The following SLCO1C1 variants were observed in gnomAD, a reference collection of about 807,000 sequenced individuals.
SLCO1C1 encodes the protein OAT-RP-5.
A neutral mutation model predicts 76.4 loss-of-function variants in SLCO1C1; 70 were observed. The ratio of observed to expected loss-of-function variants is 0.92; its 90% CI spans 0.76 to 1.12. SLCO1C1 has a LOEUF of 1.12. Among genes scored for constraint, SLCO1C1 ranks in the 50% most tolerant of loss-of-function variants. SLCO1C1 has a pLI of 0.00. For missense variants in SLCO1C1, 912 were observed against 823.8 expected, an observed-to-expected ratio of 1.11 and a Z score of -1.31; for synonymous variants, 306 against 286.1, an observed-to-expected ratio of 1.07 and a Z score of -0.70.
intron 4 of SLCO1C1, among the ~76,000 whole-genome samples, chr12:20,707,823 GA>G (rs142567335): frequency 0.077 from 11,556 of 150,760 alleles, 939 homozygotes; most frequent in African/African-American, 0.2. Flanking sequence ...GAAAATCAGA[GA>G]AAAAAAAATG....
intron 7 of SLCO1C1, among the ~76,000 whole-genome samples, 163 bp downstream of exon 7, chr12:20,717,393 A>G (rs1258242377): frequency 6.6e-6 from 1 of 152,072 alleles, no homozygotes; most frequent in Non-Finnish European, 1.5e-5. Flanking sequence ...AGATTAATAA[A>G]TGGAATATGA....
chr12:20,704,790 A>G (rs1287640736), intron 3 of SLCO1C1, among the ~76,000 whole-genome samples: 1 of 151,938 alleles, frequency 6.6e-6, no homozygotes, highest in Non-Finnish European at 1.5e-5. Context: ...AAGCAAGGCC[A>G]CCCATTAGCC....
intron 10 of SLCO1C1, among the ~76,000 whole-genome samples, chr12:20,735,701 A>C (rs1274617903): frequency 6.6e-6 from 1 of 152,170 alleles, no homozygotes; most frequent in East Asian, 1.9e-4. Flanking sequence ...TCATCATACC[A>C]GTTCTACTAG....
chr12:20,720,646 A>G (rs1947617240), intron 7 of SLCO1C1, among the ~76,000 whole-genome samples: 1 of 152,244 alleles, frequency 6.6e-6, no homozygotes, highest in Admixed American at 6.5e-5. Flanking sequence ...AAACAGCAAG[A>G]CAACTATAAT....
chr12:20,728,597 A>G (rs1948133325), intron 9 of SLCO1C1, among the ~76,000 whole-genome samples: 1 of 151,790 alleles, frequency 6.6e-6, no homozygotes, highest in Non-Finnish European at 1.5e-5. Context: ...CTTATAAAAA[A>G]CATTATTTTT....
chr12:20,733,289 T>C (rs956772396), intron 10 of SLCO1C1, among the ~76,000 whole-genome samples, 185 bp downstream of exon 10: 11 of 152,158 alleles, frequency 7.2e-5, no homozygotes, highest in South Asian at 2.1e-4. Context: ...ATCATCTCCT[T>C]TGATTGTAGA....
At chr12:20,750,053 G>A (rs1267573951) in intron 13 of SLCO1C1, among the ~76,000 whole-genome samples, 2 of 152,178 alleles carry the variant, frequency 1.3e-5, no homozygotes, top group Admixed American at 1.3e-4. Context: ...CCAAAGTGAG[G>A]CCACAAAAGT....
At chr12:20,714,398 A>T (rs1212406827) in intron 5 of SLCO1C1, among the ~76,000 whole-genome samples, 3 of 152,146 alleles carry the variant, frequency 2.0e-5, no homozygotes, top group Admixed American at 6.6e-5. Flanking sequence ...TTCATTTATG[A>T]TATGGGGGTA....
intron 10 of SLCO1C1, among the ~76,000 whole-genome samples, chr12:20,736,882 C>G (rs1948570908): frequency 6.6e-6 from 1 of 152,128 alleles, no homozygotes; most frequent in African/African-American, 2.4e-5. Flanking sequence ...AACTGGACAT[C>G]ATGTGAATTT....
At chr12:20,714,053 C>T (rs556401454) in intron 5 of SLCO1C1, among the ~76,000 whole-genome samples, 50 of 152,274 alleles carry the variant, frequency 3.3e-4, no homozygotes, top group Non-Finnish European at 6.2e-4. Flanking sequence ...ATTCCATGGT[C>T]ATTTAAACTT....
intron 11 of SLCO1C1, among the ~76,000 whole-genome samples, chr12:20,737,856 C>A (rs893742374): frequency 3.3e-5 from 5 of 152,072 alleles, no homozygotes; most frequent in African/African-American, 9.7e-5. Context: ...AGGTAGGAAT[C>A]TATTTTAGTC....
intron 13 of SLCO1C1, among the ~76,000 whole-genome samples, chr12:20,747,977 T>G (rs1047881422): frequency 2.0e-5 from 3 of 152,220 alleles, no homozygotes; most frequent in African/African-American, 7.2e-5. Context: ...CAGACTACTG[T>G]ATTTCTTCTA....
At chr12:20,720,750 C>T (rs1490331039) in intron 7 of SLCO1C1, among the ~76,000 whole-genome samples, 1 of 152,190 alleles carries the variant, frequency 6.6e-6, no homozygotes, top group Non-Finnish European at 1.5e-5. Flanking sequence ...GTAATCCCAG[C>T]ACTTTGGGAG....
intron 5 of SLCO1C1, among the ~76,000 whole-genome samples, chr12:20,712,366 AGT>A (rs971971415): frequency 1.5e-4 from 23 of 152,170 alleles, no homozygotes; most frequent in African/African-American, 4.6e-4. Flanking sequence ...GCTAGACTGA[AGT>A]AGAGTCTTGC....
intron 9 of SLCO1C1, among the ~76,000 whole-genome samples, chr12:20,731,688 G>T (rs112293469): frequency 1.3e-5 from 2 of 152,274 alleles, no homozygotes; most frequent in African/African-American, 4.8e-5. Flanking sequence ...AATTAGCAGA[G>T]AATTTACTTA....
At chr12:20,711,901 T>A (rs1435800992) in intron 5 of SLCO1C1, among the ~76,000 whole-genome samples, 1 of 152,202 alleles carries the variant, frequency 6.6e-6, no homozygotes, top group Admixed American at 6.5e-5. Flanking sequence ...TTTGTCAGAA[T>A]GGCAAAAATG....
chr12:20,713,079 TTTTC>T (rs2120689292), intron 5 of SLCO1C1, among the ~76,000 whole-genome samples: 1 of 49,420 alleles, frequency 2.0e-5, no homozygotes, highest in South Asian at 8.3e-4. Flanking sequence ...AGGGAAGATG[TTTTC>T]TTTTTTTTTT....
At chr12:20,742,847 A>T (rs1948885042) in intron 12 of SLCO1C1, among the ~76,000 whole-genome samples, 1 of 151,748 alleles carries the variant, frequency 6.6e-6, no homozygotes, top group African/African-American at 2.4e-5. Flanking sequence ...TGATTTTTTT[A>T]AATTCCCTTA....
intron 9 of SLCO1C1, 84 bp from the exon 10 acceptor site, chr12:20,732,825 A>C: frequency 7.1e-7 from 1 of 1,402,706 alleles, no homozygotes; most frequent in Admixed American, 2.0e-5. Flanking sequence ...TTAAAGTGAC[A>C]AAATAGTCTT....
Sources: allele counts gnomAD v4.1 joint callset (sites outside exome capture counted in the v4.1 genomes callset), GRCh38; gene constraint gnomAD v4.1.1; transcripts MANE v1.5; gene names NCBI Gene and HGNC (gene_info 2026-07-23, HGNC 2026-07-21).